Variants in SLC35F4 observed in about 807,000 individuals in gnomAD.
SLC35F4 encodes chromosome 14 open reading frame 36.
SLC35F4 carries 24 observed loss-of-function variants against 44.2 expected under a neutral mutation model. The observed-to-expected ratio is 0.54, with a 90% confidence interval of 0.39 to 0.76. The LOEUF (loss-of-function observed/expected upper bound fraction) is 0.76, where lower values mean the gene tolerates loss of function less well. SLC35F4 is among the 30% of genes least tolerant of loss of function. The probability of loss-of-function intolerance (pLI) is 0.00; values close to 1 mark genes in which losing one functional copy is unlikely to be tolerated. For missense variants in SLC35F4, 562 were observed against 586.1 expected (o/e 0.96, Z 0.42); for synonymous variants, 238 against 223.6 (o/e 1.06, Z -0.57).
chr14:57,672,946 A>G (rs1052752813), intron 1 of SLC35F4, among the ~76,000 whole-genome samples: 3 of 151,894 alleles, frequency 2.0e-5, no homozygotes, highest in Non-Finnish European at 4.4e-5. Flanking sequence ...AGTAGTTTTC[A>G]CAATTTCACT....
chr14:57,973,956 G>A (rs75304266), downstream of SLC35F4, among the ~76,000 whole-genome samples: 6,083 of 152,102 alleles, frequency 0.04, 313 homozygotes, highest in East Asian at 0.24. Flanking sequence ...TCTCCAAAAC[G>A]GAGAGTACTC....
At chr14:57,828,386 G>C (rs1884014139) in intron 1 of SLC35F4, among the ~76,000 whole-genome samples, 1 of 152,112 alleles carries the variant, frequency 6.6e-6, no homozygotes, top group Non-Finnish European at 1.5e-5. Context: ...AACAGAAAGA[G>C]AGTATTATAA....
intron 1 of SLC35F4, among the ~76,000 whole-genome samples, chr14:57,855,813 G>A (rs1362045708): frequency 1.3e-5 from 2 of 152,154 alleles, no homozygotes; most frequent in Non-Finnish European, 2.9e-5. Context: ...TGATAGACTG[G>A]TTTAAGAAAA....
At chr14:57,738,869 G>GAT (rs916557519) in intron 1 of SLC35F4, among the ~76,000 whole-genome samples, 5 of 146,864 alleles carry the variant, frequency 3.4e-5, no homozygotes, top group East Asian at 2.0e-4. Flanking sequence ...AACATTATGA[G>GAT]ATATATATAT....
At chr14:57,635,625 G>A (rs2072987213) in intron 1 of SLC35F4, among the ~76,000 whole-genome samples, 1 of 152,084 alleles carries the variant, frequency 6.6e-6, no homozygotes, top group South Asian at 2.1e-4. Context: ...ATTTGAGGTT[G>A]AGATGAAGCC....
intron 1 of SLC35F4, among the ~76,000 whole-genome samples, chr14:57,641,113 A>AAGT (rs1378615631): frequency 2.7e-5 from 4 of 148,594 alleles, no homozygotes; most frequent in Admixed American, 2.7e-4. Flanking sequence ...AACACTAACT[A>AAGT]GCCTTAGAGA....
chr14:57,675,943 A>C (rs1566751963), intron 1 of SLC35F4, among the ~76,000 whole-genome samples: 1 of 152,068 alleles, frequency 6.6e-6, no homozygotes, highest in East Asian at 1.9e-4. Flanking sequence ...CCAAAAGCAA[A>C]TGCAACAACA....
chr14:57,900,179 A>G (rs1360726650), intron 1 of SLC35F4, among the ~76,000 whole-genome samples: 1 of 152,168 alleles, frequency 6.6e-6, no homozygotes, highest in Non-Finnish European at 1.5e-5. Context: ...ATTGCTAGCT[A>G]CAGAGACTTT....
chr14:57,956,419 C>T (rs1890239264), intron 1 of SLC35F4, among the ~76,000 whole-genome samples: 1 of 152,106 alleles, frequency 6.6e-6, no homozygotes, highest in Admixed American at 6.5e-5. Flanking sequence ...GCAATGGCAA[C>T]AAAAGCCAAA....
chr14:57,773,062 A>T (rs2077406242), intron 1 of SLC35F4, among the ~76,000 whole-genome samples: 1 of 152,090 alleles, frequency 6.6e-6, no homozygotes, highest in Non-Finnish European at 1.5e-5. Flanking sequence ...GACTGAGGTA[A>T]GGTATCTCAT....
At chr14:57,757,018 G>C (rs939079755) in intron 1 of SLC35F4, among the ~76,000 whole-genome samples, 7 of 151,994 alleles carry the variant, frequency 4.6e-5, no homozygotes, top group Non-Finnish European at 8.8e-5. Context: ...AATTGTGAAT[G>C]TTTTCATTTC....
upstream of SLC35F4, among the ~76,000 whole-genome samples, chr14:57,866,923 C>A (rs1449081608): frequency 6.7e-6 from 1 of 150,018 alleles, no homozygotes. Context: ...GGAGACGATT[C>A]CTCTGTTCAT....
intron 1 of SLC35F4, among the ~76,000 whole-genome samples, chr14:57,941,092 G>A (rs149014411): frequency 3.2e-4 from 48 of 152,266 alleles, no homozygotes; most frequent in Non-Finnish European, 6.0e-4. Flanking sequence ...TACATTACTG[G>A]TGGGGATGTA....
chr14:57,663,870 G>T (rs1021819865), intron 1 of SLC35F4, among the ~76,000 whole-genome samples: 2 of 152,128 alleles, frequency 1.3e-5, no homozygotes, highest in African/African-American at 4.8e-5. Flanking sequence ...CAAATTGGCA[G>T]TTCACAGGTG....
chr14:57,691,171 G>A (rs1219653109), intron 1 of SLC35F4, among the ~76,000 whole-genome samples: 1 of 152,172 alleles, frequency 6.6e-6, no homozygotes, highest in Non-Finnish European at 1.5e-5. Context: ...GAAAGAAAGG[G>A]AGAGAGGGTG....
intron 1 of SLC35F4, among the ~76,000 whole-genome samples, chr14:57,849,247 C>T (rs771946803): frequency 2.0e-5 from 3 of 152,192 alleles, no homozygotes; most frequent in Non-Finnish European, 4.4e-5. Flanking sequence ...CTGCAACCTC[C>T]GCCTCCTGGG....
At chr14:57,926,855 C>T (rs1219273583) in intron 1 of SLC35F4, among the ~76,000 whole-genome samples, 1 of 152,132 alleles carries the variant, frequency 6.6e-6, no homozygotes, top group Non-Finnish European at 1.5e-5. Flanking sequence ...AAGATGTGCC[C>T]AATGTATGTC....
chr14:57,840,719 G>A (rs529293143), intron 1 of SLC35F4, among the ~76,000 whole-genome samples: 99 of 152,238 alleles, frequency 6.5e-4, no homozygotes, highest in African/African-American at 2.3e-3. Context: ...AATTTTTGGT[G>A]TCAATATTTC....
chr14:57,849,454 G>A (rs1449780358), intron 1 of SLC35F4, among the ~76,000 whole-genome samples: 1 of 147,802 alleles, frequency 6.8e-6, no homozygotes, highest in Non-Finnish European at 1.5e-5. Flanking sequence ...GAGCCACCAA[G>A]CCCAGCCCAC....
Sources: gnomAD v4.1 joint callset for allele counts (sites outside exome capture counted in the v4.1 genomes callset) on GRCh38, gnomAD v4.1.1 for gene constraint, MANE v1.5 for transcripts, NCBI Gene and HGNC (gene_info 2026-07-23, HGNC 2026-07-21) for gene names.